The following SFMBT1 variants were observed in gnomAD, a reference collection of about 807,000 sequenced individuals.
SFMBT1 encodes scm-like with four MBT domains protein 1.
Under a neutral mutation model 108.7 loss-of-function variants are expected in SFMBT1, and 32 were observed. That is an observed-to-expected ratio of 0.29 (90% confidence interval 0.22 to 0.40). The LOEUF (loss-of-function observed/expected upper bound fraction) is 0.40, where lower values mean the gene tolerates loss of function less well. Among genes scored for constraint, SFMBT1 ranks in the 10% least tolerant of loss-of-function variants. The pLI is 1.00. For missense variants in SFMBT1, 816 were observed against 1,059.6 expected (o/e 0.77, Z 3.19); for synonymous variants, 348 against 369.5 (o/e 0.94, Z 0.67).
At chr3:53,012,788 T>C (rs936135236) in intron 1 of SFMBT1, among the ~76,000 whole-genome samples, 1 of 151,408 alleles carries the variant, frequency 6.6e-6, no homozygotes, top group African/African-American at 2.5e-5. Flanking sequence ...CTACATATCA[T>C]ATGATTCAAG....
intron 2 of SFMBT1, among the ~76,000 whole-genome samples, chr3:52,955,542 A>T (rs1450371472): frequency 6.6e-6 from 1 of 152,166 alleles, no homozygotes; most frequent in Admixed American, 6.5e-5. Flanking sequence ...ATCCCACAGA[A>T]ATACAAACAA....
At chr3:52,994,690 G>T (rs1408410148) in intron 1 of SFMBT1, among the ~76,000 whole-genome samples, 1 of 150,004 alleles carries the variant, frequency 6.7e-6, no homozygotes, top group African/African-American at 2.4e-5. Flanking sequence ...AGTAGAGATG[G>T]GGTTTCACTG....
intron 3 of SFMBT1, among the ~76,000 whole-genome samples, chr3:52,943,812 T>G (rs1703272042): frequency 6.6e-6 from 1 of 152,190 alleles, no homozygotes; most frequent in Admixed American, 6.5e-5. Context: ...GAACTCAATA[T>G]TTTCACCAAA....
At chr3:52,942,582 G>A (rs1465108926) in intron 4 of SFMBT1, among the ~76,000 whole-genome samples, 5 of 152,112 alleles carry the variant, frequency 3.3e-5, no homozygotes, top group African/African-American at 9.7e-5. Flanking sequence ...GCGCGATCTC[G>A]GCTCAATGCA....
chr3:52,923,977 G>A (rs1702588276), intron 10 of SFMBT1, among the ~76,000 whole-genome samples: 1 of 152,104 alleles, frequency 6.6e-6, no homozygotes, highest in South Asian at 2.1e-4. Flanking sequence ...AGGGTCGGGG[G>A]AAAAGCAGGT....
Position 52,932,288 on chromosome 3 carries a change from A to G in SFMBT1, c.474T>C (p.Pro158=). ...LLEGLRNGRN[P]LDLIAPGSRL... ...TGGATCCTGGAGCAATGAGATCTAA[A>G]GGATTCCTCCCATTACGGAGCTGTA... is the stretch of plus-strand genomic sequence containing the variant. The change falls in exon 6 of 21, where the codon CCT becomes CCC. Residue 158 remains proline (P), a synonymous_variant. Transcript: ENST00000394752. 1 of 1,614,172 alleles carries G rather than the reference A, an allele frequency of 6.2e-7. No individual in the cohort carries two copies. Among genetic ancestry groups the G allele is most frequent in the Non-Finnish European group, 8.5e-7 (1 of 1,180,016 alleles).
At chr3:53,018,388 A>C (rs1476196176) in intron 1 of SFMBT1, among the ~76,000 whole-genome samples, 4 of 152,168 alleles carry the variant, frequency 2.6e-5, no homozygotes, top group Non-Finnish European at 5.9e-5. Flanking sequence ...CAGAGAAAGG[A>C]AAATCCCTTC....
intron 3 of SFMBT1, among the ~76,000 whole-genome samples, chr3:52,946,916 C>T (rs1703386594): frequency 6.6e-6 from 1 of 150,556 alleles, no homozygotes; most frequent in African/African-American, 2.4e-5. Flanking sequence ...GGACCACAGG[C>T]ACGTGCCACC....
intron 13 of SFMBT1, 129 bp from the exon 14 acceptor site, chr3:52,916,343 T>C: frequency 3.4e-6 from 2 of 579,970 alleles, no homozygotes; most frequent in Non-Finnish European, 3.0e-6. Flanking sequence ...CAGAAGGTAC[T>C]CCCTTGATGA....
chr3:52,929,518 C>A (rs956490396), intron 8 of SFMBT1, among the ~76,000 whole-genome samples: 2 of 152,230 alleles, frequency 1.3e-5, no homozygotes, highest in African/African-American at 2.4e-5. Context: ...GGATGACAGG[C>A]GTGAGCCACC....
Position 52,916,128 on chromosome 3 carries a change from TTAA to T in SFMBT1, c.1480+19_1480+21del. The T allele has an allele frequency of 1.2e-6, 2 of 1,603,658 alleles. No homozygotes were observed. The highest frequency in any genetic ancestry group is 1.7e-6 in the Non-Finnish European group (2 of 1,172,218). Reference sequence around the variant, plus strand: ...TAAAAGAAACTAAGTCTTCTTTTCCTTAAGATGACATGTGCTTATACCTGACTC... The same window carrying T: ...TAAAAGAAACTAAGTCTTCTTTTCCTGATGACATGTGCTTATACCTGACTC... On this transcript the variant is annotated intron_variant, in intron 14 of 20. Coordinates refer to ENST00000394752, the MANE Select transcript of SFMBT1 (RefSeq NM_016329.4).
chr3:53,025,377 G>A (rs1013913159), intron 1 of SFMBT1, among the ~76,000 whole-genome samples: 4 of 152,226 alleles, frequency 2.6e-5, no homozygotes, highest in Non-Finnish European at 5.9e-5. Flanking sequence ...GGAGGCTGAG[G>A]TGGAGGGATC....
At position 52,911,135 on chromosome 3, in the gene SFMBT1, T is replaced by C. The variant is rs1702205636; in HGVS notation, c.1774A>G (p.Thr592Ala). 6.2e-7 allele frequency: 1 copy of C among 1,613,916 alleles called. No homozygotes were observed. Among genetic ancestry groups the C allele is most frequent in the Non-Finnish European group, 8.5e-7 (1 of 1,179,908 alleles). The stretch of plus-strand genomic sequence containing the variant: ...CAGAATTCAGTCACCCGATCTGCTG[T>C]TTTCACTATCTCAACAGTAGCCCGA... ...SYRATVEIVK[T>A]ADRVTEFCRQ... is the part of the protein sequence containing the mutation. The change falls in exon 17 of 21, where the codon ACA becomes GCA. Residue 592 changes from threonine (T) to alanine (A), a missense_variant. Transcript: ENST00000394752.
intron 2 of SFMBT1, among the ~76,000 whole-genome samples, chr3:52,955,711 A>T (rs1703756640): frequency 6.6e-6 from 1 of 152,202 alleles, no homozygotes; most frequent in Non-Finnish European, 1.5e-5. Context: ...GGCAGTAATG[A>T]ACAGCCTACC....
chr3:53,019,130 A>G (rs1699218082), intron 1 of SFMBT1: 1 of 152,076 alleles, frequency 6.6e-6, no homozygotes, highest in Admixed American at 6.5e-5. Flanking sequence ...TTTCTACAGA[A>G]AAAAATTTTT....
intron 10 of SFMBT1, among the ~76,000 whole-genome samples, chr3:52,922,921 TTC>T (rs1293918461): frequency 6.6e-6 from 1 of 152,170 alleles, no homozygotes; most frequent in Non-Finnish European, 1.5e-5. Flanking sequence ...TAGAAGATAC[TTC>T]TTATGGTGAT....
intron 1 of SFMBT1, among the ~76,000 whole-genome samples, chr3:53,018,422 G>C (rs980907681): frequency 2.2e-4 from 33 of 152,104 alleles, no homozygotes; most frequent in African/African-American, 7.5e-4. Context: ...ACACCACCCT[G>C]TTCCCATATT....
rs1355357030 is a variant in SFMBT1, at chr3:53,001,549, T to C, written c.-130-32291A>G. ...TAGTAAGTAGATGGCAGCTCACATT[T>C]ACTGTGCTCCCACCAGCAAGCAGCT... On this transcript the variant is annotated intron_variant, in intron 1 of 20. Transcript: ENST00000394752. Among the ~76,000 whole-genome samples, 2 of 149,858 alleles carry C rather than the reference T, an allele frequency of 1.3e-5. 1 individual carries two copies.
chr3:52,907,119 G>C lies in SFMBT1; in HGVS notation c.2281C>G (p.Leu761Val). The C allele has an allele frequency of 6.2e-7, 1 of 1,614,148 alleles. No individual in the cohort carries two copies. The highest frequency in any genetic ancestry group is 8.5e-7 in the Non-Finnish European group (1 of 1,180,006). The change falls in exon 19 of 21, where the codon CTT (leucine) becomes GTT (valine). Residue 761 changes from leucine (L) to valine (V), a missense_variant. Leu to Val is a conservative substitution (Grantham distance 32). This residue lies in a region of SFMBT1 where 177 missense variants were observed against 182.0 expected (regional missense o/e 0.97). Coordinates refer to ENST00000394752, the MANE Select transcript of SFMBT1 (RefSeq NM_016329.4). ...PPDRQRRKRE[L>V]RTFSFSDDEN... is the part of the protein sequence containing the mutation. ...TCGTCAGAAAATGAAAAGGTGCGAAGCTCCCTTTTTCTCCTTTGTCTATCT... is the reference window on the plus strand; with the variant it reads ...TCGTCAGAAAATGAAAAGGTGCGAACCTCCCTTTTTCTCCTTTGTCTATCT...
Sources: gnomAD v4.1 joint callset for allele counts (sites outside exome capture counted in the v4.1 genomes callset) on GRCh38, gnomAD v4.1.1 for gene constraint, gnomAD v4.1.1 regional missense constraint, MANE v1.5 for transcripts, NCBI Gene and HGNC (gene_info 2026-07-23, HGNC 2026-07-21) for gene names.